The following KIF13B variants were observed in gnomAD, a reference collection of about 807,000 sequenced individuals.
KIF13B encodes kinesin family member 13B, also known as kinesin-like protein KIF13B.
KIF13B carries 127 observed loss-of-function variants against 222.0 expected under a neutral mutation model. That is an observed-to-expected ratio of 0.57 (90% CI 0.50 to 0.66). The LOEUF (loss-of-function observed/expected upper bound fraction) is 0.66. Ranked by LOEUF, KIF13B falls within the 30% of genes least tolerant of loss-of-function variation. The pLI is 0.00. For missense variants in KIF13B, 2,173 were observed against 2,379.0 expected, an observed-to-expected ratio of 0.91 and a Z score of 1.80; for synonymous variants, 976 against 919.0, an observed-to-expected ratio of 1.06 and a Z score of -1.12.
intron 3 of KIF13B, among the ~76,000 whole-genome samples, chr8:29,192,886 C>T (rs1813248439): frequency 6.6e-6 from 1 of 151,412 alleles, no homozygotes; most frequent in South Asian, 2.1e-4. Flanking sequence ...AATTGAGAAA[C>T]TCCTGAAAAA....
At chr8:29,161,355 A>G (rs766173376) in intron 12 of KIF13B, among the ~76,000 whole-genome samples, 9 of 151,880 alleles carry the variant, frequency 5.9e-5, no homozygotes, top group Non-Finnish European at 1.3e-4. Context: ...ATGTCTTCTC[A>G]CTCCTGTCAA....
At chr8:29,186,179 G>C (rs1812917660) in intron 6 of KIF13B, 113 bp downstream of exon 6, 1 of 766,264 alleles carries the variant, frequency 1.3e-6, no homozygotes. Flanking sequence ...CTGCACTGAA[G>C]CCTATGTGAC....
chr8:29,207,690 CA>C (rs548045732), intron 2 of KIF13B, among the ~76,000 whole-genome samples: 204 of 136,548 alleles, frequency 1.5e-3, no homozygotes, highest in Admixed American at 2.1e-3. Context: ...GAATCAAAAG[CA>C]AAAAAAAAAA....
rs1024856511 is a variant in KIF13B, at chr8:29,148,591, G to A, written c.1799C>T (p.Ala600Val). ...EYAQMEVTMK[A>V]LGSNDPMQSI... ...GACTTGCTCACCATTGCTGCCCAGG[G>A]CCTTCATGGTGACCTCCATCTGTGC... The change falls in exon 16 of 40, where the codon GCC becomes GTC. Residue 600 changes from alanine to valine, a missense_variant. Physicochemically the swap from Ala to Val is moderately conservative, Grantham distance 64. Coordinates refer to ENST00000524189, the MANE Select transcript of KIF13B (RefSeq NM_015254.4). The A allele has an allele frequency of 1.3e-5, 21 of 1,606,488 alleles. No individual in the cohort carries two copies. The highest frequency in any genetic ancestry group is 1.7e-5 in the Non-Finnish European group (20 of 1,176,176).
At chr8:29,204,589 TACTG>T (rs1367426676) in intron 2 of KIF13B, among the ~76,000 whole-genome samples, 1 of 152,220 alleles carries the variant, frequency 6.6e-6, no homozygotes, top group Non-Finnish European at 1.5e-5. Flanking sequence ...GGCCAAAGAA[TACTG>T]ACTCATTTGT....
intron 13 of KIF13B, among the ~76,000 whole-genome samples, chr8:29,160,343 A>AT (rs1811720389): frequency 6.6e-6 from 1 of 152,112 alleles, no homozygotes; most frequent in South Asian, 2.1e-4. Flanking sequence ...TTATTTATAC[A>AT]TTTTTTTCTT....
Position 29,072,274 on chromosome 8 carries a change from C to T in KIF13B, c.4564G>A (p.Gly1522Arg). Residue 1522 changes from glycine to arginine, a missense_variant, in exon 39 of 40, where the codon GGG (glycine) becomes AGG (arginine). Coordinates refer to ENST00000524189, the MANE Select transcript of KIF13B (RefSeq NM_015254.4). ...MGPDVLVQTM[G>R]APALKICDKP... ...TCGCAGATCTTCAAGGCCGGGGCCC[C>T]CATCGTCTGCACCAGCACGTCAGGG... is the stretch of plus-strand genomic sequence containing the variant. The T allele has an allele frequency of 1.4e-6, 2 of 1,470,598 alleles. No individual in the cohort carries two copies. The highest frequency in any genetic ancestry group is 1.8e-6 in the Non-Finnish European group (2 of 1,112,184). The allele number at this position is 1,470,598 out of a possible 1,614,324, so 91.1% of individuals were successfully genotyped here.
rs1813753571 is a variant in KIF13B at position 29,202,771 on chromosome 8, G to A, written c.150-6572C>T. 2.6e-5 allele frequency among the ~76,000 whole-genome samples: 4 copies of A among 152,070 alleles called. No individual in the cohort carries two copies. The South Asian group carries it at 8.3e-4, about 31-fold the overall frequency. ...CTCTTTTCACTGACAATAAGAAAAG[G>A]AGCAGTGAGCCTCCAACATCCCTAT... On this transcript the variant is annotated intron_variant, in intron 2 of 39. Transcript: ENST00000524189.
chr8:29,246,304 G>T (rs1253676962), intron 1 of KIF13B, among the ~76,000 whole-genome samples: 2 of 151,942 alleles, frequency 1.3e-5, no homozygotes, highest in Non-Finnish European at 2.9e-5. Context: ...TTGAACCCAG[G>T]AGGCAGAGGT....
At chr8:29,123,886 A>G in intron 27 of KIF13B, 138 bp downstream of exon 27, 1 of 628,698 alleles carries the variant, frequency 1.6e-6, no homozygotes, top group Non-Finnish European at 2.8e-6. Context: ...ACATAAACAA[A>G]GAGTAACACT....
chr8:29,186,762 C>T (rs1812947129), intron 5 of KIF13B, among the ~76,000 whole-genome samples: 1 of 151,666 alleles, frequency 6.6e-6, no homozygotes, highest in African/African-American at 2.4e-5. Flanking sequence ...AGTTCGAGAT[C>T]AGCCTGGGCA....
rs149320989 is a variant in KIF13B at position 29,082,341 on chromosome 8, A to G, written c.4459-6998T>C. Among the ~76,000 whole-genome samples, 18 of 152,360 alleles carry G rather than the reference A, an allele frequency of 1.2e-4. 1 individual carries two copies. In the East Asian group the frequency reaches 3.5e-3, roughly 29 times the overall value. ...TAGTCTAACTTATTCTAAGTACTAT[A>G]TAAATAAAATCTTAAATACTAGTAT... On this transcript the variant is annotated intron_variant, in intron 37 of 39. Transcript: ENST00000524189.
chr8:29,104,740 T>C (rs941477348), intron 35 of KIF13B, among the ~76,000 whole-genome samples: 5 of 151,920 alleles, frequency 3.3e-5, no homozygotes, highest in Non-Finnish European at 5.9e-5. Context: ...CTACTTTTTC[T>C]TTTTTTTATT....
intron 12 of KIF13B, among the ~76,000 whole-genome samples, chr8:29,161,948 G>A (rs1243919999): frequency 1.3e-5 from 2 of 152,138 alleles, no homozygotes; most frequent in Non-Finnish European, 2.9e-5. Context: ...AAACATCAGT[G>A]TGGTGAATTT....
At chr8:29,163,045 C>A (rs1387747962) in intron 12 of KIF13B, among the ~76,000 whole-genome samples, 1 of 152,120 alleles carries the variant, frequency 6.6e-6, no homozygotes, top group Non-Finnish European at 1.5e-5. Context: ...TGTCTGTCAA[C>A]CCCTGATCTA....
At chr8:29,089,446 ATAT>A (rs1554593356) in intron 37 of KIF13B, among the ~76,000 whole-genome samples, 66 of 152,088 alleles carry the variant, frequency 4.3e-4, no homozygotes, top group Non-Finnish European at 2.9e-5. Context: ...CTCTAAAATA[ATAT>A]TATTATAATC....
At chr8:29,166,470 G>A (rs1037725805) in intron 11 of KIF13B, among the ~76,000 whole-genome samples, 12 of 152,028 alleles carry the variant, frequency 7.9e-5, no homozygotes, top group African/African-American at 1.7e-4. Context: ...AGGCCGAGGC[G>A]GGCGTATCAC....
chr8:29,160,861 G>A lies in KIF13B; in HGVS notation c.1276C>T (p.Gln426Ter). Residue 426 changes from glutamine (Q) to a stop codon, truncating the protein, a stop_gained, in exon 13 of 40, where the codon CAG becomes TAG. Coordinates refer to ENST00000524189, the MANE Select transcript of KIF13B (RefSeq NM_015254.4). LOFTEE classifies it high-confidence loss of function. ...RKTEEIAQER[Q>*]KQLESLGISL... ...ATTCCAAGACTCTCAAGCTGTTTCT[G>A]TCGTTCCTGTAAATGTTATCAGAGA... 1 of 1,613,142 alleles carries A rather than the reference G, an allele frequency of 6.2e-7. No homozygotes were observed. Among genetic ancestry groups the A allele is most frequent in the South Asian group, 1.1e-5 (1 of 90,972 alleles).
intron 31 of KIF13B, 92 bp downstream of exon 31, chr8:29,116,739 C>T (rs578179260): frequency 8.3e-7 from 1 of 1,207,536 alleles, no homozygotes; most frequent in African/African-American, 1.5e-5. Flanking sequence ...TTCCGGGAGC[C>T]TGTTTGGACA....
Sources: allele counts gnomAD v4.1 joint callset (sites outside exome capture counted in the v4.1 genomes callset), GRCh38; gene constraint gnomAD v4.1.1; transcripts MANE v1.5; gene names NCBI Gene and HGNC (gene_info 2026-07-23, HGNC 2026-07-21).